Variants in CCDC93 observed in about 807,000 individuals in gnomAD.
CCDC93 encodes CCC complex scaffolding subunit CCDC93.
A neutral mutation model predicts 108.2 loss-of-function variants in CCDC93; 61 were observed. The observed-to-expected ratio is 0.56, with a 90% CI of 0.46 to 0.70. The LOEUF (loss-of-function observed/expected upper bound fraction) is 0.70. Ranked by LOEUF, CCDC93 falls within the 30% of genes least tolerant of loss-of-function variation. CCDC93 has a pLI of 0.00. For missense variants in CCDC93, 685 were observed against 764.2 expected, an observed-to-expected ratio of 0.90 and a Z score of 1.22; for synonymous variants, 276 against 260.4, an observed-to-expected ratio of 1.06 and a Z score of -0.58.
intron 22 of CCDC93, chr2:117,934,757 G>A (rs1385851164): frequency 6.6e-6 from 1 of 152,228 alleles, no homozygotes; most frequent in East Asian, 1.9e-4. Flanking sequence ...AAGATCGTAA[G>A]AGGAGAAACC....
At chr2:117,978,383 T>C (rs1680009618) in intron 7 of CCDC93, among the ~76,000 whole-genome samples, 1 of 152,210 alleles carries the variant, frequency 6.6e-6, no homozygotes, top group Non-Finnish European at 1.5e-5. Flanking sequence ...CAAATGTAAA[T>C]GTGTTTCCTT....
chr2:117,947,701 T>TA (rs1167867509), intron 15 of CCDC93, among the ~76,000 whole-genome samples: 6 of 149,688 alleles, frequency 4.0e-5, no homozygotes, highest in African/African-American at 1.5e-4. Context: ...TGCTTTTTTT[T>TA]TTTTTTTTTT....
chr2:117,975,013 G>A (rs996682125), intron 9 of CCDC93, 113 bp from the exon 10 acceptor site: 15 of 1,086,876 alleles, frequency 1.4e-5, no homozygotes, highest in Non-Finnish European at 2.0e-5. Context: ...CCTTGATCTC[G>A]TCTTATGTGA....
intron 23 of CCDC93, among the ~76,000 whole-genome samples, chr2:117,930,077 G>A (rs1241599140): frequency 6.6e-6 from 1 of 152,240 alleles, no homozygotes; most frequent in Non-Finnish European, 1.5e-5. Flanking sequence ...ATTTTGAAAT[G>A]CCTATGGGAT....
At chr2:117,943,918 A>T in intron 18 of CCDC93, 106 bp downstream of exon 18, 1 of 679,682 alleles carries the variant, frequency 1.5e-6, no homozygotes, top group Non-Finnish European at 2.4e-6. Context: ...CAGCCTCATT[A>T]CTTATTTTCT....
intron 11 of CCDC93, among the ~76,000 whole-genome samples, chr2:117,973,517 G>C (rs910946454): frequency 6.6e-6 from 1 of 151,728 alleles, no homozygotes; most frequent in African/African-American, 2.4e-5. Flanking sequence ...GGGTTTGGCT[G>C]AGTTATGGGG....
intron 23 of CCDC93, among the ~76,000 whole-genome samples, chr2:117,928,389 T>G (rs1338383753): frequency 6.6e-6 from 1 of 152,020 alleles, no homozygotes; most frequent in Non-Finnish European, 1.5e-5. Context: ...ATCCAGAATC[T>G]ACAATGAACT....
At chr2:117,988,244 A>G (rs1005289642) in intron 6 of CCDC93, among the ~76,000 whole-genome samples, 4 of 152,148 alleles carry the variant, frequency 2.6e-5, no homozygotes, top group African/African-American at 9.7e-5. Context: ...TGTGAGAGTC[A>G]GAGCTCTACT....
At chr2:117,960,194 C>A (rs1335307190) in intron 11 of CCDC93, among the ~76,000 whole-genome samples, 1 of 152,140 alleles carries the variant, frequency 6.6e-6, no homozygotes, top group Non-Finnish European at 1.5e-5. Flanking sequence ...CTTTACTAGC[C>A]GAATTACATA....
At chr2:118,001,010 CA>C in intron 3 of CCDC93, 78 bp from the exon 4 acceptor site, 4 of 855,402 alleles carry the variant, frequency 4.7e-6, no homozygotes, top group Non-Finnish European at 7.9e-6. Context: ...TGGGCAGCAT[CA>C]CAGACGGATC....
chr2:117,945,195 C>A (rs1678828034), intron 17 of CCDC93, among the ~76,000 whole-genome samples: 1 of 152,196 alleles, frequency 6.6e-6, no homozygotes, highest in Non-Finnish European at 1.5e-5. Context: ...CCCTCTGTAC[C>A]ACCCCATCCC....
Position 117,917,612 on chromosome 2 carries a change from ACT to A in CCDC93, c.*2729_*2730del, listed in dbSNP as rs1368949912. 1 of 152,200 alleles carries A rather than the reference ACT, an allele frequency of 6.6e-6. No individual in the cohort carries two copies. The highest frequency in any genetic ancestry group is 2.4e-5 in the African/African-American group (1 of 41,416). The allele number at this position is 152,200 out of a possible 1,614,324, so 9.4% of individuals were successfully genotyped here. A position where few individuals can be genotyped will look rare whatever the true frequency, so the allele number is the denominator to read the frequency against. ...CTCTGTTAAAACAACCCTCAGTGTGACTCTGACGACTGTTTAACATTCTGTAC... is the reference window on the plus strand; with the variant it reads ...CTCTGTTAAAACAACCCTCAGTGTGACTGACGACTGTTTAACATTCTGTAC... On this transcript the variant is annotated 3_prime_UTR_variant, in exon 24 of 24. Transcript: ENST00000376300.
chr2:117,987,112 G>A lies in CCDC93; in HGVS notation c.520-1043C>T, dbSNP rs533289374. 4.8e-4 allele frequency among the ~76,000 whole-genome samples: 72 copies of A among 150,268 alleles called. 1 individual carries two copies. The South Asian group carries it at 0.013, about 27-fold the overall frequency. On this transcript the variant is annotated intron_variant, in intron 6 of 23. Transcript: ENST00000376300. Reference sequence around the variant, plus strand: ...AACAGCTAAAAGGACCTTTTATTCCGCCAAACAATGACAATGTTGGCTTTT... The same window carrying A: ...AACAGCTAAAAGGACCTTTTATTCCACCAAACAATGACAATGTTGGCTTTT...
chr2:118,007,852 C>G (rs1033157854), intron 2 of CCDC93, among the ~76,000 whole-genome samples: 1 of 152,246 alleles, frequency 6.6e-6, no homozygotes, highest in Non-Finnish European at 1.5e-5. Context: ...CTGTTAGGCA[C>G]AGCCAGGACT....
intron 14 of CCDC93, among the ~76,000 whole-genome samples, chr2:117,948,746 GTC>G (rs1678955511): frequency 6.6e-6 from 1 of 152,160 alleles, no homozygotes; most frequent in Non-Finnish European, 1.5e-5. Context: ...TGATTTCATA[GTC>G]TCATTCAAAT....
At chr2:118,004,610 C>T (rs67523610) in intron 3 of CCDC93, among the ~76,000 whole-genome samples, 86,037 of 152,114 alleles carry the variant, frequency 0.57, 25,181 homozygotes, top group East Asian at 0.87. Flanking sequence ...CCAAACAGAA[C>T]ACATTCCAAA....
Position 117,948,206 on chromosome 2 carries a change from A to C in CCDC93, c.1143-20T>G. The C allele has an allele frequency of 6.4e-7, 1 of 1,569,002 alleles. No homozygotes were observed. Among genetic ancestry groups the C allele is most frequent in the Non-Finnish European group, 8.8e-7 (1 of 1,141,190 alleles). On this transcript the variant is annotated intron_variant, in intron 14 of 23. Transcript: ENST00000376300. ...AGGATACTGAAGAGAAAAGACAAAA[A>C]AATGACATATGGCAGGCCATTATGA...
intron 22 of CCDC93, chr2:117,934,057 G>A (rs1041900049): frequency 1.3e-5 from 2 of 152,240 alleles, no homozygotes; most frequent in African/African-American, 4.8e-5. Context: ...CCTCCTCGGG[G>A]AGAGTGAAGA....
intron 9 of CCDC93, 35 bp downstream of exon 9, chr2:117,975,153 A>C (rs1679896494): frequency 1.3e-6 from 2 of 1,560,468 alleles, no homozygotes; most frequent in Non-Finnish European, 1.8e-6. Flanking sequence ...AATGACTTAC[A>C]CAGAAACCTC....
Sources: gnomAD v4.1 joint callset for allele counts (sites outside exome capture counted in the v4.1 genomes callset) on GRCh38, gnomAD v4.1.1 for gene constraint, MANE v1.5 for transcripts, NCBI Gene and HGNC (gene_info 2026-07-23, HGNC 2026-07-21) for gene names.